PRORP: variants seen among roughly 807,000 people sequenced by gnomAD.
PRORP encodes the protein mitochondrial ribonuclease P catalytic subunit.
Under a neutral mutation model 59.4 loss-of-function variants are expected in PRORP, and 51 were observed. That is an observed-to-expected ratio of 0.86 (90% CI 0.69 to 1.08). The LOEUF is 1.08. Among genes scored for constraint, PRORP ranks in the 50% least tolerant of loss-of-function variants. The probability of loss-of-function intolerance (pLI) is 0.00; values close to 1 mark genes in which losing one functional copy is unlikely to be tolerated. For synonymous variants in PRORP, 231 were observed against 245.6 expected (o/e 0.94, Z 0.55); for missense variants, 646 against 690.3 (o/e 0.94, Z 0.72).
intron 6 of PRORP, among the ~76,000 whole-genome samples, chr14:35,267,485 C>A (rs1160291556): frequency 1.3e-5 from 2 of 151,882 alleles, no homozygotes; most frequent in Non-Finnish European, 2.9e-5. Context: ...CCAAATAATA[C>A]GAAATATTTA....
At chr14:35,165,651 C>T (rs990512289) in intron 4 of PRORP, among the ~76,000 whole-genome samples, 3 of 151,718 alleles carry the variant, frequency 2.0e-5, no homozygotes, top group Non-Finnish European at 4.4e-5. Context: ...TCATTTTTCC[C>T]AGAGTCTCAT....
intron 4 of PRORP, among the ~76,000 whole-genome samples, chr14:35,155,984 A>G (rs1255353857): frequency 2.0e-5 from 3 of 152,336 alleles, no homozygotes; most frequent in African/African-American, 2.4e-5. Context: ...TTTGCTTTGC[A>G]AAGAGGTTAT....
At chr14:35,156,581 A>G (rs1463608101) in intron 4 of PRORP, among the ~76,000 whole-genome samples, 1 of 152,246 alleles carries the variant, frequency 6.6e-6, no homozygotes, top group Admixed American at 6.5e-5. Flanking sequence ...CTGCTTTAAC[A>G]GTGTGATTCT....
At chr14:35,236,536 GC>G (rs1341541931) in intron 5 of PRORP, among the ~76,000 whole-genome samples, 3 of 152,056 alleles carry the variant, frequency 2.0e-5, no homozygotes, top group South Asian at 2.1e-4. Context: ...CTTCCTAATT[GC>G]CAGTTTTGAT....
intron 5 of PRORP, among the ~76,000 whole-genome samples, chr14:35,265,454 G>A (rs553463760): frequency 6.6e-6 from 1 of 152,108 alleles, no homozygotes; most frequent in Non-Finnish European, 1.5e-5. Flanking sequence ...TTGAGTATAG[G>A]CAAGCTCACC....
Position 35,145,595 on chromosome 14 carries a change from C to T in PRORP, c.1167+17984C>T, listed in dbSNP as rs553287728. On this transcript the variant is annotated intron_variant, in intron 4 of 7. Coordinates refer to ENST00000534898, the MANE Select transcript of PRORP (RefSeq NM_014672.4). ...ATTAGCTGGGCATGGTGGCATGCGT[C>T]TGTAGTCCCAGCTACTGAGGAGGCT... is the stretch of plus-strand genomic sequence containing the variant. Among the ~76,000 whole-genome samples the T allele has an allele frequency of 1.6e-4, 23 of 140,266 alleles. 3 individuals are homozygous for T. In the East Asian group the frequency reaches 6.1e-3, roughly 37 times the overall value. 92.0% of individuals were successfully genotyped at this position (140,266 alleles called of 152,430 possible).
rs139485060 is a variant in PRORP, at chr14:35,129,165, G to A, written c.1167+1554G>A. 2.2e-3 allele frequency among the ~76,000 whole-genome samples: 329 copies of A among 152,024 alleles called. 2 individuals carry two copies. Among genetic ancestry groups the A allele is most frequent in the Non-Finnish European group, 4.0e-3 (273 of 67,988 alleles). On this transcript the variant is annotated intron_variant, in intron 4 of 7. Coordinates refer to ENST00000534898, the MANE Select transcript of PRORP (RefSeq NM_014672.4). ...GGAGGTTGAAGTGAGCCGAGATCAC[G>A]CCATTGCACTCCAGCTTGGGCAACA...
At chr14:35,193,724 G>A (rs977209469) in intron 5 of PRORP, among the ~76,000 whole-genome samples, 2 of 151,426 alleles carry the variant, frequency 1.3e-5, no homozygotes, top group Non-Finnish European at 2.9e-5. Context: ...AAAGTGGGAA[G>A]GAAACTTAGA....
At chr14:35,131,082 A>G (rs1321338367) in intron 4 of PRORP, among the ~76,000 whole-genome samples, 1 of 151,704 alleles carries the variant, frequency 6.6e-6, no homozygotes. Flanking sequence ...AGCTAGGATT[A>G]TAGGCGTGCA....
chr14:35,198,184 ATTT>A (rs1183978561), intron 5 of PRORP, among the ~76,000 whole-genome samples: 1 of 152,262 alleles, frequency 6.6e-6, no homozygotes, highest in African/African-American at 2.4e-5. Context: ...AGACTCATTC[ATTT>A]ATAGGCTTCA....
At position 35,201,124 on chromosome 14, in the gene PRORP, C is replaced by T. The variant is rs561557939; in HGVS notation, c.1275+20347C>T. Among the ~76,000 whole-genome samples, 117 of 152,200 alleles carry T rather than the reference C, an allele frequency of 7.7e-4. 1 individual carries two copies. Among genetic ancestry groups the T allele is most frequent in the Non-Finnish European group, 1.3e-3 (86 of 68,016 alleles). On this transcript the variant is annotated intron_variant, in intron 5 of 7. Transcript: ENST00000534898. The stretch of plus-strand genomic sequence containing the variant: ...AGTTGTGGGTTTTGGGTAGGAAGAC[C>T]ACAGAGGCAAAATGCCATTCTCGTC...
At chr14:35,206,920 G>A (rs2049308429) in intron 5 of PRORP, among the ~76,000 whole-genome samples, 2 of 152,166 alleles carry the variant, frequency 1.3e-5, no homozygotes, top group Admixed American at 1.3e-4. Context: ...CTTCTCTGTA[G>A]GGATTATGCA....
At chr14:35,181,424 C>T (rs2048602815) in intron 5 of PRORP, among the ~76,000 whole-genome samples, 1 of 152,168 alleles carries the variant, frequency 6.6e-6, no homozygotes, top group Admixed American at 6.5e-5. Context: ...TCCTGGGTTT[C>T]AGACTTGTGG....
chr14:35,235,351 G>T, intron 5 of PRORP: 1 of 701,670 alleles, frequency 1.4e-6, no homozygotes, highest in South Asian at 1.4e-5. Context: ...TGTCTTCCGA[G>T]TTAACCTGTG....
intron 5 of PRORP, among the ~76,000 whole-genome samples, chr14:35,257,133 C>T (rs1393530626): frequency 1.3e-5 from 2 of 152,130 alleles, no homozygotes; most frequent in Admixed American, 6.5e-5. Flanking sequence ...CCTCAGCCTC[C>T]CAAAGTGCTG....
intron 4 of PRORP, among the ~76,000 whole-genome samples, chr14:35,133,882 C>T (rs1296362467): frequency 1.3e-5 from 2 of 152,248 alleles, no homozygotes; most frequent in African/African-American, 2.4e-5. Flanking sequence ...CGTAGTCACA[C>T]AAATACCCTT....
intron 4 of PRORP, among the ~76,000 whole-genome samples, chr14:35,161,790 T>G (rs1197400879): frequency 6.6e-6 from 1 of 152,166 alleles, no homozygotes; most frequent in Admixed American, 6.5e-5. Flanking sequence ...GTTAGATCTA[T>G]TTCTCCAAAG....
intron 5 of PRORP, among the ~76,000 whole-genome samples, chr14:35,197,464 A>G (rs4432181): frequency 0.16 from 24,228 of 152,192 alleles, 2,262 homozygotes; most frequent in Middle Eastern, 0.23. Flanking sequence ...CTTTAATCAT[A>G]ATTTTCTGGT....
intron 5 of PRORP, among the ~76,000 whole-genome samples, chr14:35,204,402 GTTAC>G (rs1249110528): frequency 1.3e-5 from 2 of 152,106 alleles, no homozygotes; most frequent in Non-Finnish European, 2.9e-5. Context: ...TCACATTCTA[GTTAC>G]TTTATGATTT....
Sources: gnomAD v4.1 joint callset for allele counts (sites outside exome capture counted in the v4.1 genomes callset) on GRCh38, gnomAD v4.1.1 for gene constraint, MANE v1.5 for transcripts, NCBI Gene and HGNC (gene_info 2026-07-23, HGNC 2026-07-21) for gene names.